Variants in ITPR1 observed in about 807,000 individuals in gnomAD.
ITPR1 encodes the protein inositol 1,4,5-trisphosphate receptor type 1.
Under a neutral mutation model 318.4 loss-of-function variants are expected in ITPR1, and 96 were observed. The ratio of observed to expected loss-of-function variants is 0.30; its 90% confidence interval spans 0.26 to 0.36. The LOEUF is 0.36. ITPR1 is among the 10% of genes least tolerant of loss of function. The probability of loss-of-function intolerance (pLI) is 1.00; values close to 1 mark genes in which losing one functional copy is unlikely to be tolerated. For synonymous variants in ITPR1, 1,312 were observed against 1,289.9 expected (o/e 1.02, Z -0.37); for missense variants, 2,440 against 3,460.2 (o/e 0.71, Z 7.40).
intron 60 of ITPR1, among the ~76,000 whole-genome samples, chr3:4,825,002 G>A (rs1255799821): frequency 6.6e-6 from 1 of 152,224 alleles, no homozygotes; most frequent in Non-Finnish European, 1.5e-5. Flanking sequence ...CAAAGTAAAA[G>A]GAGAAGGACG....
intron 36 of ITPR1, among the ~76,000 whole-genome samples, chr3:4,705,170 T>C (rs1276064167): frequency 3.3e-5 from 5 of 152,222 alleles, no homozygotes. Flanking sequence ...AGGAAATCAT[T>C]GTTTTTTGGA....
At chr3:4,589,776 T>C (rs77080803) in intron 4 of ITPR1, among the ~76,000 whole-genome samples, 1 of 147,802 alleles carries the variant, frequency 6.8e-6, no homozygotes, top group African/African-American at 2.5e-5. Context: ...AAAAAAAAAA[T>C]GCAAAACGAA....
At chr3:4,766,462 G>T in intron 44 of ITPR1, 68 bp from the exon 45 acceptor site, 1 of 1,326,444 alleles carries the variant, frequency 7.5e-7, no homozygotes, top group Non-Finnish European at 1.1e-6. Context: ...ATTAGGTTTT[G>T]GTGTCATGAG....
chr3:4,771,761 A>G (rs1448759850), intron 46 of ITPR1, among the ~76,000 whole-genome samples: 1 of 152,146 alleles, frequency 6.6e-6, no homozygotes, highest in African/African-American at 2.4e-5. Context: ...AAAAAGACCT[A>G]GCAACATAAT....
chr3:4,664,711 T>C (rs2093909761), intron 16 of ITPR1, among the ~76,000 whole-genome samples: 1 of 152,254 alleles, frequency 6.6e-6, no homozygotes, highest in Admixed American at 6.5e-5. Flanking sequence ...TGCTGGGCAC[T>C]AGTGCGACTT....
chr3:4,777,973 G>A (rs1016353069), intron 48 of ITPR1, among the ~76,000 whole-genome samples: 16 of 152,270 alleles, frequency 1.1e-4, no homozygotes, highest in Non-Finnish European at 1.2e-4. Context: ...GTACAAATGC[G>A]GGACTGCAGG....
At chr3:4,549,684 G>T (rs1430068317) in intron 4 of ITPR1, among the ~76,000 whole-genome samples, 5 of 152,194 alleles carry the variant, frequency 3.3e-5, no homozygotes, top group Non-Finnish European at 7.4e-5. Context: ...TGGAACCAAA[G>T]TCTTGGGTTC....
intron 44 of ITPR1, among the ~76,000 whole-genome samples, chr3:4,737,105 T>C (rs141391110): frequency 8.2e-4 from 124 of 151,590 alleles, no homozygotes; most frequent in African/African-American, 2.6e-3. Context: ...GATGATAGAT[T>C]TTTTTTTTCT....
At chr3:4,684,837 T>C (rs2094363524) in intron 29 of ITPR1, among the ~76,000 whole-genome samples, 1 of 152,238 alleles carries the variant, frequency 6.6e-6, no homozygotes, top group Non-Finnish European at 1.5e-5. Context: ...TCTCTGAAAC[T>C]GTCCCACTTG....
At chr3:4,716,337 A>G (rs575241456) in intron 39 of ITPR1, among the ~76,000 whole-genome samples, 11 of 152,204 alleles carry the variant, frequency 7.2e-5, no homozygotes, top group Non-Finnish European at 1.3e-4. Context: ...ATGTATTATT[A>G]ATAACTGGTT....
In ITPR1 at chr3:4,506,758, T is replaced by A. The variant is rs80314085; in HGVS notation, c.-16-9718T>A. ...CTAGAGCCCTGGCTGTTCAGTTTTATATTTTGCATTTTCATCCTGTTATAT... is the reference window on the plus strand; with the variant it reads ...CTAGAGCCCTGGCTGTTCAGTTTTAAATTTTGCATTTTCATCCTGTTATAT... On this transcript the variant is annotated intron_variant, in intron 2 of 61. Coordinates refer to ENST00000649015, the MANE Select transcript of ITPR1 (RefSeq NM_001378452.1). Among the ~76,000 whole-genome samples, 19 of 152,352 alleles carry A rather than the reference T, an allele frequency of 1.2e-4. No homozygotes were observed. In the East Asian group the frequency reaches 3.7e-3, roughly 29 times the overall value.
intron 16 of ITPR1, among the ~76,000 whole-genome samples, chr3:4,664,676 G>A (rs1243144038): frequency 3.3e-5 from 5 of 152,230 alleles, no homozygotes. Flanking sequence ...CTGACTCACT[G>A]GCAGGAGCCT....
chr3:4,500,915 A>G (rs1177107801), intron 2 of ITPR1, among the ~76,000 whole-genome samples: 2 of 152,190 alleles, frequency 1.3e-5, no homozygotes, highest in African/African-American at 2.4e-5. Flanking sequence ...GTACAGTGAC[A>G]TGATGTTGGC....
chr3:4,817,403 G>A (rs1170014440), intron 59 of ITPR1: 1 of 152,208 alleles, frequency 6.6e-6, no homozygotes, highest in African/African-American at 2.4e-5. Context: ...GTGTATATAT[G>A]TATGAAAAAG....
chr3:4,511,102 A>T (rs1461767919), intron 2 of ITPR1, among the ~76,000 whole-genome samples: 1 of 152,120 alleles, frequency 6.6e-6, no homozygotes, highest in Non-Finnish European at 1.5e-5. Context: ...GACATGAGAG[A>T]CAGATTTGGG....
chr3:4,546,708 G>C (rs1393334978), intron 4 of ITPR1, among the ~76,000 whole-genome samples: 1 of 151,558 alleles, frequency 6.6e-6, no homozygotes, highest in East Asian at 1.9e-4. Context: ...CAGAGGTGTA[G>C]GGTGATGATT....
intron 51 of ITPR1, 119 bp from the exon 52 acceptor site, chr3:4,787,828 A>G (rs1471243487): frequency 1.5e-6 from 1 of 665,558 alleles, no homozygotes; most frequent in Non-Finnish European, 2.5e-6. Flanking sequence ...GTTTGGGGTT[A>G]TAAAATCAGA....
chr3:4,636,265 T>C (rs1452115316), intron 5 of ITPR1, among the ~76,000 whole-genome samples: 2 of 152,228 alleles, frequency 1.3e-5, no homozygotes, highest in African/African-American at 2.4e-5. Flanking sequence ...TGAGAACTTA[T>C]AGGAAAAGTG....
At chr3:4,603,811 C>T (rs530900237) in intron 4 of ITPR1, among the ~76,000 whole-genome samples, 13 of 152,286 alleles carry the variant, frequency 8.5e-5, no homozygotes, top group African/African-American at 1.7e-4. Flanking sequence ...CGTACGAGTG[C>T]GTGTGTCTTT....
Sources: allele counts gnomAD v4.1 joint callset (sites outside exome capture counted in the v4.1 genomes callset), GRCh38; gene constraint gnomAD v4.1.1; transcripts MANE v1.5; gene names NCBI Gene and HGNC (gene_info 2026-07-23, HGNC 2026-07-21).